NCAM1: variants seen among roughly 807,000 people sequenced by gnomAD.
The protein encoded by NCAM1 is antigen recognized by monoclonal antibody 5.1H11.
Under a neutral mutation model 109.8 loss-of-function variants are expected in NCAM1, and 14 were observed. That is an observed-to-expected ratio of 0.13 (90% CI 0.08 to 0.20). The LOEUF (loss-of-function observed/expected upper bound fraction) is 0.20, where lower values mean the gene tolerates loss of function less well. Among genes scored for constraint, NCAM1 ranks in the 10% least tolerant of loss-of-function variants. The pLI is 1.00. For missense variants in NCAM1, 774 were observed against 1,109.9 expected, an observed-to-expected ratio of 0.70 and a Z score of 4.30; for synonymous variants, 418 against 442.9, an observed-to-expected ratio of 0.94 and a Z score of 0.70.
chr11:112,965,562 A>G (rs1950710288), intron 1 of NCAM1, among the ~76,000 whole-genome samples: 1 of 152,218 alleles, frequency 6.6e-6, no homozygotes, highest in African/African-American at 2.4e-5. Flanking sequence ...GTTTTTGTTC[A>G]CTACAGAACC....
chr11:113,001,504 C>T (rs1951754638), intron 1 of NCAM1, among the ~76,000 whole-genome samples: 1 of 152,116 alleles, frequency 6.6e-6, no homozygotes, highest in Non-Finnish European at 1.5e-5. Context: ...CAACAGTGCT[C>T]ATTTTCTAGA....
intron 1 of NCAM1, among the ~76,000 whole-genome samples, chr11:113,145,729 G>A (rs1258138413): frequency 6.6e-6 from 1 of 152,136 alleles, no homozygotes; most frequent in Non-Finnish European, 1.5e-5. Context: ...CATTATCCTT[G>A]TGTGATTGGG....
chr11:113,206,045 C>T lies in NCAM1; in HGVS notation c.493C>T (p.Arg165Ter). Residue 165 changes from arginine (R) to a stop codon, truncating the protein, a stop_gained and splice_region_variant, in exon 5 of 20, where the codon CGA becomes TGA. Coordinates refer to ENST00000316851, the MANE Select transcript of NCAM1 (RefSeq NM_181351.5). LOFTEE classifies it high-confidence loss of function. ...GRDVILKKDVRFIVLSNNYLQ... is the reference protein window; with the variant it reads ...GRDVILKKDV ...AACCTGCCTCTTATCTCTTCTAGTC[C>T]GATTCATAGTCCTGTCCAACAACTA... The T allele has an allele frequency of 6.2e-7, 1 of 1,613,864 alleles. No homozygotes were observed. The highest frequency in any genetic ancestry group is 8.5e-7 in the Non-Finnish European group (1 of 1,179,836).
chr11:113,229,312 G>A (rs1007291629), intron 9 of NCAM1, among the ~76,000 whole-genome samples: 3 of 152,186 alleles, frequency 2.0e-5, no homozygotes, highest in Non-Finnish European at 2.9e-5. Flanking sequence ...TATTTATGCA[G>A]CCAAAAGACA....
intron 1 of NCAM1, among the ~76,000 whole-genome samples, chr11:113,002,868 C>T (rs1301030469): frequency 1.3e-5 from 2 of 152,222 alleles, no homozygotes; most frequent in Admixed American, 1.3e-4. Flanking sequence ...TATTTACATA[C>T]TGCTTTTAAT....
At chr11:112,994,454 A>T (rs554104647) in intron 1 of NCAM1, among the ~76,000 whole-genome samples, 6 of 152,282 alleles carry the variant, frequency 3.9e-5, no homozygotes, top group Admixed American at 1.3e-4. Flanking sequence ...CTAAGTGTGG[A>T]CCTTTGAAAA....
At chr11:113,002,047 ACT>A (rs1555072553) in intron 1 of NCAM1, among the ~76,000 whole-genome samples, 2 of 151,998 alleles carry the variant, frequency 1.3e-5, no homozygotes, top group East Asian at 1.9e-4. Context: ...CCTAGGGGTG[ACT>A]CTGGTTAGTT....
chr11:113,270,589 T>C lies in NCAM1; in HGVS notation c.2339+194T>C, dbSNP rs557928540. 36 of 598,334 alleles carry C rather than the reference T, an allele frequency of 6.0e-5. No homozygotes were observed. In the East Asian group the frequency reaches 6.8e-4, roughly 11 times the overall value. 37.1% of individuals were successfully genotyped at this position (598,334 alleles called of 1,614,324 possible). A position where few individuals can be genotyped will look rare whatever the true frequency, so the allele number is the denominator to read the frequency against. ...GTCTTTGGGGGTTACCTGTTTGAAA[T>C]GTAGACTCTTGAGCCCAATCCCAGA... is the stretch of plus-strand genomic sequence containing the variant. On this transcript the variant is annotated intron_variant, in intron 18 of 19. Transcript: ENST00000316851.
chr11:113,161,584 A>C (rs1555104409), intron 1 of NCAM1, among the ~76,000 whole-genome samples: 1 of 152,254 alleles, frequency 6.6e-6, no homozygotes, highest in Non-Finnish European at 1.5e-5. Flanking sequence ...TCTTATAAAA[A>C]ACATTTAGTG....
At chr11:112,970,462 A>G (rs782349257) in intron 1 of NCAM1, among the ~76,000 whole-genome samples, 3 of 152,288 alleles carry the variant, frequency 2.0e-5, no homozygotes, top group East Asian at 1.9e-4. Flanking sequence ...GTGAAGTCCA[A>G]TGAAAGTATC....
At chr11:113,096,871 C>T (rs1277244798) in intron 1 of NCAM1, among the ~76,000 whole-genome samples, 2 of 152,038 alleles carry the variant, frequency 1.3e-5, no homozygotes, top group African/African-American at 4.8e-5. Flanking sequence ...TTTCCAGGTT[C>T]TGCTCACAAT....
chr11:113,080,465 CT>C (rs200415631), intron 1 of NCAM1, among the ~76,000 whole-genome samples: 7,409 of 140,748 alleles, frequency 0.053, 512 homozygotes, highest in Admixed American at 0.17. Flanking sequence ...GGTTTTTTTT[CT>C]TTTTTTTTTT....
In NCAM1 at chr11:112,963,621, G is replaced by T. The variant is rs544352629; in HGVS notation, c.52+1957G>T. On this transcript the variant is annotated intron_variant, in intron 1 of 19. Transcript: ENST00000316851. The surrounding 1 kb of genome is among the most constrained non-coding windows in gnomAD (Gnocchi z 4.6). ...GGTTATGCCCCTTTCCGCGGTGCCC[G>T]TGGGTGCCGCGACGCGACCTGTCCA... is the stretch of plus-strand genomic sequence containing the variant. Among the ~76,000 whole-genome samples, 11 of 152,304 alleles carry T rather than the reference G, an allele frequency of 7.2e-5. No individual in the cohort carries two copies. The South Asian group carries it at 2.3e-3, about 32-fold the overall frequency.
At chr11:113,227,545 C>T (rs1455304883) in intron 9 of NCAM1, among the ~76,000 whole-genome samples, 2 of 152,064 alleles carry the variant, frequency 1.3e-5, no homozygotes, top group East Asian at 3.9e-4. Context: ...CTATTCCAAT[C>T]AATAGAAAAA....
Position 113,255,875 on chromosome 11 carries a change from A to G in NCAM1, c.1829-2A>G. The G allele has an allele frequency of 6.2e-7, 1 of 1,612,166 alleles. No individual in the cohort carries two copies. The highest frequency in any genetic ancestry group is 8.5e-7 in the Non-Finnish European group (1 of 1,179,212). ...TTCATGTGAATTAACTGGCTGTTTCAGGGGAACCCAGTGCACCTAAGCTCG... is the reference window on the plus strand; with the variant it reads ...TTCATGTGAATTAACTGGCTGTTTCGGGGGAACCCAGTGCACCTAAGCTCG... On this transcript the variant is annotated splice_acceptor_variant, in intron 15 of 19. Coordinates refer to ENST00000316851, the MANE Select transcript of NCAM1 (RefSeq NM_181351.5). LOFTEE classifies it high-confidence loss of function.
At chr11:113,224,848 T>C (rs1052313041) in intron 9 of NCAM1, among the ~76,000 whole-genome samples, 2 of 152,174 alleles carry the variant, frequency 1.3e-5, no homozygotes. Flanking sequence ...TCTGGCAAAC[T>C]CCGACAGACC....
chr11:112,981,363 T>C (rs909696791), intron 1 of NCAM1, among the ~76,000 whole-genome samples: 1 of 151,944 alleles, frequency 6.6e-6, no homozygotes, highest in African/African-American at 2.4e-5. Flanking sequence ...GGATTTAAGA[T>C]GTATTTCTTG....
chr11:113,044,120 C>T (rs1476227364), intron 1 of NCAM1, among the ~76,000 whole-genome samples: 2 of 152,110 alleles, frequency 1.3e-5, no homozygotes, highest in Non-Finnish European at 2.9e-5. Context: ...AATCGTTTCT[C>T]CCCAGGCAAG....
At chr11:113,145,560 C>T (rs1301738845) in intron 1 of NCAM1, among the ~76,000 whole-genome samples, 1 of 152,204 alleles carries the variant, frequency 6.6e-6, no homozygotes, top group Admixed American at 6.5e-5. Flanking sequence ...ATTATCCTGT[C>T]TTATTGGCTC....
Sources: gnomAD v4.1 joint callset for allele counts (sites outside exome capture counted in the v4.1 genomes callset) on GRCh38, gnomAD v4.1.1 for gene constraint, Gnocchi (gnomAD v3.1) non-coding constraint, MANE v1.5 for transcripts, NCBI Gene and HGNC (gene_info 2026-07-23, HGNC 2026-07-21) for gene names.